Variants in PRKCA observed in about 807,000 individuals in gnomAD.
PRKCA encodes the protein protein kinase C alpha.
Under a neutral mutation model 87.0 loss-of-function variants are expected in PRKCA, and 27 were observed. The ratio of observed to expected loss-of-function variants is 0.31; its 90% CI spans 0.23 to 0.43. PRKCA has a LOEUF of 0.43. Among genes scored for constraint, PRKCA ranks in the 20% least tolerant of loss-of-function variants. The pLI, the probability that PRKCA is intolerant of heterozygous loss-of-function variation, is 1.00. For synonymous variants in PRKCA, 329 were observed against 311.1 expected (o/e 1.06, Z -0.61); for missense variants, 518 against 852.3 (o/e 0.61, Z 4.88).
chr17:66,414,576 C>T (rs1245638750), intron 2 of PRKCA, among the ~76,000 whole-genome samples: 1 of 152,214 alleles, frequency 6.6e-6, no homozygotes, highest in Non-Finnish European at 1.5e-5. Context: ...TATTACACAG[C>T]ATCATACTTT....
rs1390908507 is a variant in PRKCA, at chr17:66,617,715, G to T, written c.289-23640G>T. ...AATTGAGTCAGCACTCCATAGAACT[G>T]CTTGATGACCACCAGGCCTTCCTTT... On this transcript the variant is annotated intron_variant, in intron 3 of 16. Transcript: ENST00000413366. Among the ~76,000 whole-genome samples, 3 of 152,086 alleles carry T rather than the reference G, an allele frequency of 2.0e-5. No homozygotes were observed. In the East Asian group the frequency reaches 5.8e-4, roughly 29 times the overall value.
chr17:66,727,732 G>T (rs1411570246), intron 8 of PRKCA, among the ~76,000 whole-genome samples: 1 of 152,164 alleles, frequency 6.6e-6, no homozygotes, highest in South Asian at 2.1e-4. Context: ...AAGTGGGAGA[G>T]GTCAGCCAGG....
chr17:66,394,492 C>T (rs1395580441), intron 2 of PRKCA, among the ~76,000 whole-genome samples: 4 of 152,214 alleles, frequency 2.6e-5, no homozygotes, highest in African/African-American at 7.2e-5. Context: ...TCCCTAATCA[C>T]GACATCGGGC....
intron 2 of PRKCA, among the ~76,000 whole-genome samples, chr17:66,409,850 G>A (rs921751773): frequency 6.6e-6 from 1 of 152,184 alleles, no homozygotes; most frequent in African/African-American, 2.4e-5. Context: ...CCTGGGAGGT[G>A]GAGCTTGCAG....
chr17:66,445,970 C>A (rs1396037081), intron 2 of PRKCA, among the ~76,000 whole-genome samples: 2 of 151,976 alleles, frequency 1.3e-5, no homozygotes, highest in Non-Finnish European at 2.9e-5. Context: ...CGTGCCACTA[C>A]ACCTGGCTAA....
At chr17:66,743,898 T>C (rs1974212571) in intron 13 of PRKCA, among the ~76,000 whole-genome samples, 1 of 152,186 alleles carries the variant, frequency 6.6e-6, no homozygotes, top group African/African-American at 2.4e-5. Context: ...CTGGAATCTG[T>C]TATTTACAGA....
chr17:66,437,328 A>G (rs1244155735), intron 2 of PRKCA, among the ~76,000 whole-genome samples: 1 of 152,196 alleles, frequency 6.6e-6, no homozygotes, highest in Non-Finnish European at 1.5e-5. Flanking sequence ...ATCATAATAA[A>G]TATCTGCCTG....
At chr17:66,529,880 A>G (rs1967480766) in intron 3 of PRKCA, among the ~76,000 whole-genome samples, 1 of 152,182 alleles carries the variant, frequency 6.6e-6, no homozygotes, top group African/African-American at 2.4e-5. Flanking sequence ...GGCCAGACTA[A>G]TCAAATACAT....
At chr17:66,363,439 G>A (rs886714046) in intron 2 of PRKCA, among the ~76,000 whole-genome samples, 1 of 152,080 alleles carries the variant, frequency 6.6e-6, no homozygotes, top group Non-Finnish European at 1.5e-5. Context: ...CTTTATCCTC[G>A]GTAAAGCAAA....
chr17:66,324,818 A>G (rs1905880187), intron 2 of PRKCA, among the ~76,000 whole-genome samples: 1 of 152,204 alleles, frequency 6.6e-6, no homozygotes, highest in African/African-American at 2.4e-5. Context: ...TATGGCAGAT[A>G]ACACTCATTA....
intron 13 of PRKCA, among the ~76,000 whole-genome samples, chr17:66,764,090 C>G (rs1023204166): frequency 6.6e-6 from 1 of 152,222 alleles, no homozygotes. Flanking sequence ...AGCGTTGCTG[C>G]TTGCAAGCTC....
intron 2 of PRKCA, among the ~76,000 whole-genome samples, chr17:66,332,221 C>CCTTA (rs1906369634): frequency 7.0e-6 from 1 of 143,116 alleles, no homozygotes; most frequent in Non-Finnish European, 1.5e-5. Context: ...TTCCTTCCTT[C>CCTTA]CTTCCTTCTT....
At chr17:66,521,025 C>T (rs1409217817) in intron 3 of PRKCA, among the ~76,000 whole-genome samples, 1 of 152,118 alleles carries the variant, frequency 6.6e-6, no homozygotes, top group African/African-American at 2.4e-5. Flanking sequence ...GGAGATGCTT[C>T]GGGGACAGTG....
At chr17:66,426,531 G>A (rs183814801) in intron 2 of PRKCA, among the ~76,000 whole-genome samples, 2 of 152,246 alleles carry the variant, frequency 1.3e-5, no homozygotes, top group East Asian at 3.9e-4. Context: ...GCAGAGGGGA[G>A]GTGGTTTGAG....
At chr17:66,585,358 C>G (rs2143494694) in intron 3 of PRKCA, among the ~76,000 whole-genome samples, 1 of 152,340 alleles carries the variant, frequency 6.6e-6, no homozygotes, top group East Asian at 1.9e-4. Context: ...CCCGTGCAAG[C>G]TTCCAGCTTG....
At chr17:66,652,324 G>T (rs1313458159) in intron 5 of PRKCA, among the ~76,000 whole-genome samples, 1 of 152,140 alleles carries the variant, frequency 6.6e-6, no homozygotes, top group Non-Finnish European at 1.5e-5. Flanking sequence ...ACACTTGGTT[G>T]GATCCTGGAT....
intron 2 of PRKCA, among the ~76,000 whole-genome samples, chr17:66,431,428 G>T (rs956223307): frequency 6.6e-6 from 1 of 152,160 alleles, no homozygotes. Context: ...AATGGAACAA[G>T]CACGTTTCTT....
chr17:66,729,747 C>T (rs1023312989), intron 8 of PRKCA, among the ~76,000 whole-genome samples: 40 of 150,774 alleles, frequency 2.7e-4, no homozygotes, highest in African/African-American at 9.8e-4. Flanking sequence ...GTTCACAAGC[C>T]CTGAGACTTG....
At chr17:66,356,453 G>A (rs1908059693) in intron 2 of PRKCA, among the ~76,000 whole-genome samples, 1 of 152,034 alleles carries the variant, frequency 6.6e-6, no homozygotes, top group Admixed American at 6.6e-5. Flanking sequence ...AGCTAACATG[G>A]TGAAACCCCA....
Sources: gnomAD v4.1 joint callset for allele counts (sites outside exome capture counted in the v4.1 genomes callset) on GRCh38, gnomAD v4.1.1 for gene constraint, MANE v1.5 for transcripts, NCBI Gene and HGNC (gene_info 2026-07-23, HGNC 2026-07-21) for gene names.